Variants in COQ8B observed in about 807,000 individuals in gnomAD.
COQ8B encodes coenzyme Q8B.
Under a neutral mutation model 62.0 loss-of-function variants are expected in COQ8B, and 44 were observed. The observed-to-expected ratio is 0.71, with a 90% CI of 0.56 to 0.91. COQ8B has a LOEUF of 0.91. COQ8B is among the 40% of genes least tolerant of loss of function. The probability of loss-of-function intolerance (pLI) is 0.00; values close to 1 mark genes in which losing one functional copy is unlikely to be tolerated. For synonymous variants in COQ8B, 252 were observed against 289.9 expected, an observed-to-expected ratio of 0.87 and a Z score of 1.33; for missense variants, 649 against 731.6, an observed-to-expected ratio of 0.89 and a Z score of 1.30.
chr19:40,697,114 ATTT>A (rs35930091), intron 12 of COQ8B, among the ~76,000 whole-genome samples: 1 of 142,188 alleles, frequency 7.0e-6, no homozygotes, highest in Non-Finnish European at 1.5e-5. Context: ...CTGTTCTGAC[ATTT>A]TTTTTTTTTT....
intron 12 of COQ8B, among the ~76,000 whole-genome samples, chr19:40,697,822 T>TATATATA (rs2082025880): frequency 3.8e-5 from 3 of 79,126 alleles, no homozygotes; most frequent in African/African-American, 1.8e-4. Flanking sequence ...ATAAATAAAA[T>TATATATA]TATATATATA....
At chr19:40,697,795 TA>T (rs1340079761) in intron 12 of COQ8B, among the ~76,000 whole-genome samples, 3 of 147,144 alleles carry the variant, frequency 2.0e-5, no homozygotes, top group Admixed American at 6.8e-5. Context: ...AGCAAAACTC[TA>T]TCTCTAAACA....
chr19:40,696,549 C>A lies in COQ8B; in HGVS notation c.1144-495G>T, dbSNP rs183338887. Reference sequence around the variant, plus strand: ...GTGCGGTGGTGCGTGCCTGTAATCCCAGCTACTTGGGAGGCTGAGGCAGGA... The same window carrying A: ...GTGCGGTGGTGCGTGCCTGTAATCCAAGCTACTTGGGAGGCTGAGGCAGGA... On this transcript the variant is annotated intron_variant, in intron 12 of 14. Transcript: ENST00000324464. Among the ~76,000 whole-genome samples the A allele has an allele frequency of 2.7e-4, 41 of 151,838 alleles. No individual in the cohort carries two copies. The East Asian group carries it at 7.6e-3, about 28-fold the overall frequency.
intron 12 of COQ8B, among the ~76,000 whole-genome samples, chr19:40,698,200 G>A (rs1251729566): frequency 6.7e-6 from 1 of 149,988 alleles, no homozygotes; most frequent in Admixed American, 6.7e-5. Flanking sequence ...TGGGTGACAA[G>A]AGCGAGACTT....
chr19:40,700,222 G>GTA, intron 11 of COQ8B, 48 bp from the exon 12 acceptor site: 1 of 1,613,478 alleles, frequency 6.2e-7, no homozygotes, highest in Non-Finnish European at 8.5e-7. Context: ...CTCCCTTGTG[G>GTA]TGCCACTGCT....
rs376667884 is a variant in COQ8B, at chr19:40,703,555, G to A, written c.785C>T (p.Ala262Val). ...QNLLAVLKMS[A>V]ALPAGLFAEQ... ...GGGCGCCTCACCCGCGGGCAGGGCC[G>A]CGCTCATCTTGAGTACCGCCAGCAG... Residue 262 changes from alanine (A) to valine (V), a missense_variant, in exon 9 of 15, where the codon GCG (alanine) becomes GTG (valine). Ala to Val is a moderately conservative substitution (Grantham distance 64, BLOSUM62 0). Transcript: ENST00000324464. 7.5e-6 allele frequency: 12 copies of A among 1,606,806 alleles called. No homozygotes were observed. Among genetic ancestry groups the A allele is most frequent in the Middle Eastern group, 3.3e-4 (2 of 6,034 alleles).
At chr19:40,703,481 T>C in intron 9 of COQ8B, 60 bp downstream of exon 9, 1 of 1,502,750 alleles carries the variant, frequency 6.7e-7, no homozygotes. Flanking sequence ...CCCCTCCTGC[T>C]TTCTCTCTCT....
intron 5 of COQ8B, among the ~76,000 whole-genome samples, 180 bp from the exon 6 acceptor site, chr19:40,705,627 G>A (rs1383063679): frequency 3.3e-5 from 5 of 152,208 alleles, no homozygotes; most frequent in Non-Finnish European, 5.9e-5. Context: ...TATATCATCT[G>A]CACACCAACA....
At chr19:40,692,491 C>G (rs1291497462) in intron 14 of COQ8B, 118 bp from the exon 15 acceptor site, 4 of 869,262 alleles carry the variant, frequency 4.6e-6, no homozygotes, top group Non-Finnish European at 7.0e-6. Flanking sequence ...AACACAAGCC[C>G]CGACTCCCCC....
chr19:40,712,953 C>G (rs1444457559), intron 4 of COQ8B, among the ~76,000 whole-genome samples: 1 of 152,104 alleles, frequency 6.6e-6, no homozygotes, highest in Non-Finnish European at 1.5e-5. Context: ...GTGGCTCATG[C>G]CTAGAACCCC....
intron 7 of COQ8B, chr19:40,704,861 G>A (rs772285899): frequency 2.0e-4 from 100 of 501,930 alleles, no homozygotes; most frequent in Non-Finnish European, 3.4e-4. Flanking sequence ...GGGTGTGGCT[G>A]TCACTATCGC....
intron 5 of COQ8B, among the ~76,000 whole-genome samples, chr19:40,705,985 A>G (rs1270326351): frequency 5.9e-5 from 9 of 152,158 alleles, no homozygotes; most frequent in Admixed American, 3.3e-4. Context: ...AAGTTAAAAC[A>G]AATTGCAGGA....
intron 5 of COQ8B, 57 bp from the exon 6 acceptor site, chr19:40,705,504 C>A: frequency 6.7e-7 from 1 of 1,489,838 alleles, no homozygotes. Context: ...TGCGGCCAGG[C>A]CCGGCGGCCC....
chr19:40,692,872 T>A, intron 14 of COQ8B, 79 bp downstream of exon 14: 1 of 1,279,398 alleles, frequency 7.8e-7, no homozygotes, highest in South Asian at 1.3e-5. Context: ...CCTACTCGAG[T>A]TCCTCAGTGG....
intron 13 of COQ8B, among the ~76,000 whole-genome samples, chr19:40,694,240 A>T (rs759909180): frequency 6.6e-6 from 1 of 152,062 alleles, no homozygotes; most frequent in Non-Finnish European, 1.5e-5. Context: ...GCTCCCATGG[A>T]CTGCCAGCTG....
chr19:40,710,480 C>G (rs2082132451), intron 4 of COQ8B, among the ~76,000 whole-genome samples: 1 of 152,114 alleles, frequency 6.6e-6, no homozygotes, highest in African/African-American at 2.4e-5. Context: ...GAACTCCTGA[C>G]CTCAGGTGAT....
At chr19:40,702,566 A>C (rs1021687175) in intron 10 of COQ8B, 34 bp downstream of exon 10, 1 of 1,602,576 alleles carries the variant, frequency 6.2e-7, no homozygotes, top group African/African-American at 1.3e-5. Flanking sequence ...CCTGGGAGGG[A>C]GGGAAGGAGG....
rs1555755672 is a variant in COQ8B, at chr19:40,695,326, A to AAAAAAAAAAAGAAAAG, written c.1209+662_1209+663insCTTTTCTTTTTTTTTT. ...GAGCAAGACTCTGTCTCAATTAAAAAAAAAAAAAAGAAAAGAAAAAAAAGG... is the reference window on the plus strand; with the variant it reads ...GAGCAAGACTCTGTCTCAATTAAAAAAAAAAAAAAAGAAAAGAAAAAAAAAGAAAAGAAAAAAAAGG... On this transcript the variant is annotated intron_variant, in intron 13 of 14. Coordinates refer to ENST00000324464, the MANE Select transcript of COQ8B (RefSeq NM_024876.4). 4.0e-3 allele frequency among the ~76,000 whole-genome samples: 564 copies of AAAAAAAAAAAGAAAAG among 141,896 alleles called. 8 individuals carry two copies. The highest frequency in any genetic ancestry group is 0.039 in the East Asian group (187 of 4,752). The allele number at this position is 141,896 out of a possible 152,430, so 93.1% of individuals were successfully genotyped here. A position where few individuals can be genotyped will look rare whatever the true frequency, so the allele number is the denominator to read the frequency against.
At chr19:40,702,456 G>T in intron 10 of COQ8B, 144 bp downstream of exon 10, 1 of 812,830 alleles carries the variant, frequency 1.2e-6, no homozygotes, top group Non-Finnish European at 2.1e-6. Context: ...TGATGGATGA[G>T]TGGAAGGATG....
Sources: allele counts gnomAD v4.1 joint callset (sites outside exome capture counted in the v4.1 genomes callset), GRCh38; gene constraint gnomAD v4.1.1; transcripts MANE v1.5; gene names NCBI Gene and HGNC (gene_info 2026-07-23, HGNC 2026-07-21).